The following LRP1B variants were observed in gnomAD, a reference collection of about 807,000 sequenced individuals.
LRP1B encodes LDL receptor related protein 1B.
In LRP1B, 217 loss-of-function variants were observed where a neutral mutation model predicts 556.6. The ratio of observed to expected loss-of-function variants is 0.39; its 90% CI spans 0.35 to 0.44. The LOEUF (loss-of-function observed/expected upper bound fraction) is 0.44, where lower values mean the gene tolerates loss of function less well. LRP1B is among the 20% of genes least tolerant of loss of function. The probability of loss-of-function intolerance (pLI) is 1.00; values close to 1 mark genes in which losing one functional copy is unlikely to be tolerated. For missense variants in LRP1B, 5,053 were observed against 5,620.8 expected, an observed-to-expected ratio of 0.90 and a Z score of 3.23; for synonymous variants, 2,047 against 1,865.8, an observed-to-expected ratio of 1.10 and a Z score of -2.50.
At chr2:140,504,515 C>T (rs187633626) in intron 53 of LRP1B, among the ~76,000 whole-genome samples, 1 of 152,188 alleles carries the variant, frequency 6.6e-6, no homozygotes, top group African/African-American at 2.4e-5. Flanking sequence ...ATTACTTATC[C>T]TCGTTGTTCT....
chr2:141,351,809 T>C (rs147897035), intron 3 of LRP1B, among the ~76,000 whole-genome samples: 1 of 151,898 alleles, frequency 6.6e-6, no homozygotes, highest in Non-Finnish European at 1.5e-5. Context: ...GATTAGAAGA[T>C]GTGATGTGGA....
chr2:140,579,608 G>A (rs961932510), intron 43 of LRP1B, among the ~76,000 whole-genome samples: 1 of 152,072 alleles, frequency 6.6e-6, no homozygotes. Context: ...TTGGGATGCC[G>A]AGGTGGGCAG....
rs143223599 is a variant in LRP1B, at chr2:141,942,815, A to G, written c.83-132414T>C. 6.5e-4 allele frequency among the ~76,000 whole-genome samples: 99 copies of G among 152,272 alleles called. No individual in the cohort carries two copies. In the South Asian group the frequency reaches 6.6e-3, roughly 10 times the overall value. On this transcript the variant is annotated intron_variant, in intron 1 of 90. Transcript: ENST00000389484. ...AGCTGTAAGCAGACGAGGAGACCAT[A>G]TATCTCCTACAGGGGAATGCCTTGC...
At chr2:140,718,322 C>A (rs1033586065) in intron 35 of LRP1B, among the ~76,000 whole-genome samples, 1 of 151,986 alleles carries the variant, frequency 6.6e-6, no homozygotes, top group Non-Finnish European at 1.5e-5. Context: ...TTTGCACATG[C>A]ACCACTTCTA....
At chr2:141,713,508 G>C (rs981710724) in intron 2 of LRP1B, among the ~76,000 whole-genome samples, 1 of 152,004 alleles carries the variant, frequency 6.6e-6, no homozygotes, top group Non-Finnish European at 1.5e-5. Flanking sequence ...TGATAAATGC[G>C]GTATCTGTTA....
At chr2:141,305,758 G>A (rs539203107) in intron 3 of LRP1B, among the ~76,000 whole-genome samples, 6 of 152,166 alleles carry the variant, frequency 3.9e-5, no homozygotes, top group Non-Finnish European at 8.8e-5. Context: ...GTTGATGTAT[G>A]TTCCTTCTAT....
At chr2:140,406,463 G>T (rs2105238392) in intron 66 of LRP1B, among the ~76,000 whole-genome samples, 1 of 152,056 alleles carries the variant, frequency 6.6e-6, no homozygotes, top group Middle Eastern at 3.4e-3. Context: ...CCCACCAAAA[G>T]GCTCCTAGGT....
chr2:141,482,564 A>G (rs998237248), intron 2 of LRP1B, among the ~76,000 whole-genome samples: 1 of 152,024 alleles, frequency 6.6e-6, no homozygotes, highest in Non-Finnish European at 1.5e-5. Flanking sequence ...AATACAAATT[A>G]CAGGAGTAAA....
rs79127925 is a variant in LRP1B at position 140,830,014 on chromosome 2, C to T, written c.5209+9977G>A. Among the ~76,000 whole-genome samples the T allele has an allele frequency of 1.5e-3, 231 of 151,836 alleles. 1 individual carries two copies. The highest frequency in any genetic ancestry group is 5.3e-3 in the African/African-American group (220 of 41,458). On this transcript the variant is annotated intron_variant, in intron 31 of 90. Transcript: ENST00000389484. ...AACAAATTGGAAAACCTACAATAAA[C>T]GGATAAATTTCTGAATACATACAAC...
chr2:141,739,933 A>T (rs1170284074), intron 2 of LRP1B, among the ~76,000 whole-genome samples: 1 of 152,080 alleles, frequency 6.6e-6, no homozygotes, highest in African/African-American at 2.4e-5. Context: ...AATCATTATG[A>T]CAACATTCCT....
intron 3 of LRP1B, among the ~76,000 whole-genome samples, chr2:141,369,712 G>C (rs1689160534): frequency 6.6e-6 from 1 of 151,676 alleles, no homozygotes; most frequent in African/African-American, 2.4e-5. Context: ...TTTCTATATT[G>C]ATATATTGCA....
chr2:141,547,193 C>T (rs72853562), intron 2 of LRP1B, among the ~76,000 whole-genome samples: 11,321 of 152,170 alleles, frequency 0.074, 517 homozygotes, highest in South Asian at 0.16. Context: ...CATTTTCCAG[C>T]ATGGGCCAAG....
At chr2:141,922,574 A>C (rs1235831643) in intron 1 of LRP1B, among the ~76,000 whole-genome samples, 1 of 152,178 alleles carries the variant, frequency 6.6e-6, no homozygotes, top group Non-Finnish European at 1.5e-5. Flanking sequence ...ACTTTTCAGC[A>C]CCAGGCACTG....
intron 77 of LRP1B, among the ~76,000 whole-genome samples, chr2:140,342,334 G>A (rs1379711395): frequency 6.6e-6 from 1 of 151,122 alleles, no homozygotes; most frequent in Non-Finnish European, 1.5e-5. Flanking sequence ...TTCAGTGAAG[G>A]CCAATTATGC....
intron 72 of LRP1B, among the ~76,000 whole-genome samples, chr2:140,361,884 C>T (rs1227008816): frequency 6.6e-6 from 1 of 151,502 alleles, no homozygotes; most frequent in Non-Finnish European, 1.5e-5. Flanking sequence ...AATCTCTACT[C>T]GAATGTCTCC....
intron 1 of LRP1B, among the ~76,000 whole-genome samples, chr2:142,115,547 A>G (rs1258582240): frequency 2.8e-4 from 11 of 38,614 alleles, no homozygotes; most frequent in Non-Finnish European, 4.3e-4. Flanking sequence ...CATATGTAAT[A>G]TATATATTAT....
chr2:141,577,676 G>A (rs1208402117), intron 2 of LRP1B, among the ~76,000 whole-genome samples: 1 of 152,120 alleles, frequency 6.6e-6, no homozygotes, highest in Non-Finnish European at 1.5e-5. Context: ...TTTGGAACAC[G>A]TGATAGTGTA....
intron 2 of LRP1B, among the ~76,000 whole-genome samples, chr2:141,765,870 C>T (rs532013694): frequency 6.6e-6 from 1 of 152,320 alleles, no homozygotes; most frequent in South Asian, 2.1e-4. Context: ...CTACCTCTGA[C>T]TTCGAAACTC....
At chr2:140,314,807 TTATTA>T (rs1391133785) in intron 83 of LRP1B, 123 bp downstream of exon 83, 4 of 639,668 alleles carry the variant, frequency 6.3e-6, no homozygotes, top group Middle Eastern at 2.7e-4. Flanking sequence ...TAATTTTGTG[TTATTA>T]TATTGTGTTA....
Sources: gnomAD v4.1 joint callset for allele counts (sites outside exome capture counted in the v4.1 genomes callset) on GRCh38, gnomAD v4.1.1 for gene constraint, MANE v1.5 for transcripts, NCBI Gene and HGNC (gene_info 2026-07-23, HGNC 2026-07-21) for gene names.